Variants in DZIP3 observed in about 807,000 individuals in gnomAD.
DZIP3 encodes the protein DAZ interacting zinc finger protein 3, also known as E3 ubiquitin-protein ligase DZIP3.
A neutral mutation model predicts 162.0 loss-of-function variants in DZIP3; 118 were observed. That is an observed-to-expected ratio of 0.73 (90% CI 0.63 to 0.85). The LOEUF (loss-of-function observed/expected upper bound fraction) is 0.85, where lower values mean the gene tolerates loss of function less well. DZIP3 is among the 40% of genes least tolerant of loss of function. The probability of loss-of-function intolerance (pLI) is 0.00; values close to 1 mark genes in which losing one functional copy is unlikely to be tolerated. For missense variants in DZIP3, 1,331 were observed against 1,407.0 expected (o/e 0.95, Z 0.86); for synonymous variants, 438 against 458.6 (o/e 0.96, Z 0.57).
In DZIP3 at chr3:108,661,829, A is replaced by T. The variant is rs193083214; in HGVS notation, c.2200-48A>T. 143 of 1,476,040 alleles carry T rather than the reference A, an allele frequency of 9.7e-5. No homozygotes were observed. The African/African-American group carries it at 1.7e-3, about 17-fold the overall frequency. The allele number at this position is 1,476,040 out of a possible 1,614,324, so 91.4% of individuals were successfully genotyped here. A position where few individuals can be genotyped will look rare whatever the true frequency, so the allele number is the denominator to read the frequency against. Reference sequence around the variant, plus strand: ...TTTAAATCCCTTTCAAATAACTAAAATTTTTTTTTGAGGAAAATAATACAT... The same window carrying T: ...TTTAAATCCCTTTCAAATAACTAAATTTTTTTTTTGAGGAAAATAATACAT... On this transcript the variant is annotated intron_variant, in intron 19 of 32. Transcript: ENST00000361582.
chr3:108,595,443 G>C (rs1939664577), intron 1 of DZIP3, among the ~76,000 whole-genome samples: 1 of 152,012 alleles, frequency 6.6e-6, no homozygotes, highest in South Asian at 2.1e-4. Context: ...GACTCAATCT[G>C]CTGGCCTCAA....
intron 29 of DZIP3, 128 bp from the exon 30 acceptor site, chr3:108,688,465 A>G: frequency 1.8e-6 from 2 of 1,095,374 alleles, no homozygotes; most frequent in Non-Finnish European, 2.6e-6. Context: ...ATTTTGTTCA[A>G]GATTTCTCAC....
intron 7 of DZIP3, among the ~76,000 whole-genome samples, chr3:108,628,835 C>G (rs1435843422): frequency 1.3e-5 from 2 of 152,130 alleles, no homozygotes; most frequent in Non-Finnish European, 2.9e-5. Flanking sequence ...ACCATGGCCC[C>G]CATACTGTTC....
At position 108,684,334 on chromosome 3, in the gene DZIP3, C is replaced by T. The variant is rs866074065; in HGVS notation, c.3002C>T (p.Ala1001Val). Residue 1001 changes from alanine to valine, a missense_variant, in exon 27 of 33, where the codon GCC becomes GTC. Transcript: ENST00000361582. ...GTCTCTGCAACTGGCCAACCTAGAG[C>T]CCCCCTGGTAAAAGCTTTCTTGGTG... is the stretch of plus-strand genomic sequence containing the variant. ...GVVSATGQPR[A>V]PLMTGIAWAL... 10 of 1,609,888 alleles carry T rather than the reference C, an allele frequency of 6.2e-6. No individual in the cohort carries two copies. Among genetic ancestry groups the T allele is most frequent in the Non-Finnish European group, 8.5e-6 (10 of 1,178,294 alleles).
At chr3:108,617,781 G>C (rs900102249) in intron 5 of DZIP3, among the ~76,000 whole-genome samples, 2 of 152,052 alleles carry the variant, frequency 1.3e-5, no homozygotes, top group South Asian at 2.1e-4. Flanking sequence ...AGAACTTGGG[G>C]GATATGGCAG....
chr3:108,636,654 A>G lies in DZIP3; in HGVS notation c.957A>G (p.Thr319=). ...SGKKCLKEGC[T]GDMVRMLQCD... is the part of the protein sequence containing the mutation. The stretch of plus-strand genomic sequence containing the variant: ...AAAAATGTTTGAAGGAAGGATGTAC[A>G]GGTGACATGGTAAGGATGCTGCAAT... Residue 319 remains threonine (T), a synonymous_variant, in exon 11 of 33, where the codon ACA becomes ACG. Coordinates refer to ENST00000361582, the MANE Select transcript of DZIP3 (RefSeq NM_014648.4). 6.3e-7 allele frequency: 1 copy of G among 1,583,592 alleles called. No homozygotes were observed. Among genetic ancestry groups the G allele is most frequent in the South Asian group, 1.2e-5 (1 of 83,320 alleles).
chr3:108,688,880 G>GA lies in DZIP3; in HGVS notation c.3476dup (p.Asn1159LysfsTer17), dbSNP rs1944590358. On this transcript the variant is annotated frameshift_variant, in exon 31 of 33. Coordinates refer to ENST00000361582, the MANE Select transcript of DZIP3 (RefSeq NM_014648.4). LOFTEE classifies it high-confidence loss of function. ...GATCTGTCATGAGAATCTGTCTCCA[G>GA]AAAATCTTTCAGTTTTGCCTTGCGC... 1 of 1,614,176 alleles carries GA rather than the reference G, an allele frequency of 6.2e-7. No individual in the cohort carries two copies. Among genetic ancestry groups the GA allele is most frequent in the Non-Finnish European group, 8.5e-7 (1 of 1,180,026 alleles).
chr3:108,652,779 T>G (rs1344590657), intron 18 of DZIP3, among the ~76,000 whole-genome samples: 1 of 151,906 alleles, frequency 6.6e-6, no homozygotes, highest in Non-Finnish European at 1.5e-5. Context: ...TTTCTATGTT[T>G]AGGTACGTTT....
intron 25 of DZIP3, 46 bp downstream of exon 25, chr3:108,675,919 G>A (rs1446771646): frequency 6.6e-6 from 10 of 1,514,370 alleles, no homozygotes; most frequent in Non-Finnish European, 8.2e-6. Flanking sequence ...AATGTTATAG[G>A]TGGTGTAAAG....
At chr3:108,656,161 C>T (rs887522150) in intron 19 of DZIP3, among the ~76,000 whole-genome samples, 12 of 152,172 alleles carry the variant, frequency 7.9e-5, no homozygotes, top group East Asian at 3.9e-4. Context: ...TCTCCCAGCA[C>T]GTAGCTTGAG....
chr3:108,681,527 C>A (rs1266564213), intron 26 of DZIP3, among the ~76,000 whole-genome samples: 5 of 152,134 alleles, frequency 3.3e-5, no homozygotes, highest in African/African-American at 1.2e-4. Context: ...TGTGACGATT[C>A]CTCAAGGGTC....
chr3:108,655,005 T>C (rs1280531898), intron 19 of DZIP3, among the ~76,000 whole-genome samples: 2 of 152,200 alleles, frequency 1.3e-5, no homozygotes, highest in Non-Finnish European at 2.9e-5. Context: ...ACAACATTCA[T>C]ATAATTGTCA....
At chr3:108,654,933 A>G (rs1262707600) in intron 19 of DZIP3, among the ~76,000 whole-genome samples, 1 of 152,188 alleles carries the variant, frequency 6.6e-6, no homozygotes, top group East Asian at 1.9e-4. Context: ...GTGGTATGTA[A>G]TATGTAGGAA....
chr3:108,684,597 C>T (rs529379719), intron 27 of DZIP3, among the ~76,000 whole-genome samples: 31 of 152,040 alleles, frequency 2.0e-4, no homozygotes, highest in Non-Finnish European at 4.3e-4. Flanking sequence ...TATAGTATTG[C>T]TTCTGAAATA....
intron 11 of DZIP3, among the ~76,000 whole-genome samples, chr3:108,636,937 G>A (rs1454864714): frequency 6.6e-6 from 1 of 151,858 alleles, no homozygotes; most frequent in African/African-American, 2.4e-5. Context: ...CACAAAAAGA[G>A]AAACAAAGAC....
In DZIP3 at chr3:108,686,482, G is replaced by A; in HGVS notation, c.3047G>A (p.Gly1016Glu). ...GCCTGGGCTCTGCCAGCGCCTGTGG[G>A]AGACGCTGTGCCTCCCAGTGCAGGT... ...GIAWALPAPVGDAVPPSAGLR... is the reference protein window; with the variant it reads ...GIAWALPAPVEDAVPPSAGLR... Residue 1016 changes from glycine (G) to glutamate (E), a missense_variant, in exon 28 of 33, where the codon GGA becomes GAA. Physicochemically the swap from Gly to Glu is moderately conservative, Grantham distance 98. Transcript: ENST00000361582. The A allele has an allele frequency of 6.2e-7, 1 of 1,611,130 alleles. No individual in the cohort carries two copies. Among genetic ancestry groups the A allele is most frequent in the Non-Finnish European group, 8.5e-7 (1 of 1,179,148 alleles).
At chr3:108,635,116 C>G (rs1942078181) in intron 10 of DZIP3, 144 bp downstream of exon 10, 2 of 523,600 alleles carry the variant, frequency 3.8e-6, no homozygotes, top group East Asian at 6.4e-5. Context: ...TTACTTCCTT[C>G]TTTGTTCTTT....
rs147814342 is a variant in DZIP3, at chr3:108,629,619, G to GAC, written c.696+461_696+462dup. Among the ~76,000 whole-genome samples the GAC allele has an allele frequency of 6.7e-3, 1,004 of 149,750 alleles. 4 individuals are homozygous for GAC. The highest frequency in any genetic ancestry group is 0.021 in the Middle Eastern group (6 of 292). On this transcript the variant is annotated intron_variant, in intron 8 of 32. Coordinates refer to ENST00000361582, the MANE Select transcript of DZIP3 (RefSeq NM_014648.4). ...TAGCATTTTTATTTATATCTGTCCA[G>GAC]ACACACACACACACACACATATAAA...
At chr3:108,680,130 A>G (rs888397790) in intron 26 of DZIP3, among the ~76,000 whole-genome samples, 4 of 152,112 alleles carry the variant, frequency 2.6e-5, no homozygotes, top group Non-Finnish European at 4.4e-5. Flanking sequence ...AATTAGGTAT[A>G]GGAGGTACAT....
Sources: allele counts gnomAD v4.1 joint callset (sites outside exome capture counted in the v4.1 genomes callset), GRCh38; gene constraint gnomAD v4.1.1; transcripts MANE v1.5; gene names NCBI Gene and HGNC (gene_info 2026-07-23, HGNC 2026-07-21).